MDGA2: variants seen among roughly 807,000 people sequenced by gnomAD.
The protein encoded by MDGA2 is MAM domain containing glycosylphosphatidylinositol anchor 2, also known as MAM domain-containing glycosylphosphatidylinositol anchor protein 2.
Under a neutral mutation model 117.8 loss-of-function variants are expected in MDGA2, and 40 were observed. The observed-to-expected ratio is 0.34, with a 90% confidence interval of 0.26 to 0.44. The LOEUF is 0.44. Among genes scored for constraint, MDGA2 ranks in the 20% least tolerant of loss-of-function variants. The probability of loss-of-function intolerance (pLI) is 1.00; values close to 1 mark genes in which losing one functional copy is unlikely to be tolerated. For missense variants in MDGA2, 1,123 were observed against 1,250.6 expected (o/e 0.90, Z 1.54); for synonymous variants, 452 against 439.0 (o/e 1.03, Z -0.37).
intron 7 of MDGA2, among the ~76,000 whole-genome samples, chr14:47,046,281 C>T (rs1310148410): frequency 6.6e-6 from 1 of 151,360 alleles, no homozygotes; most frequent in Non-Finnish European, 1.5e-5. Flanking sequence ...CAACCTATAA[C>T]CATTTCTGAG....
intron 10 of MDGA2, among the ~76,000 whole-genome samples, chr14:46,892,411 A>T (rs543925115): frequency 6.6e-6 from 1 of 152,136 alleles, no homozygotes; most frequent in East Asian, 1.9e-4. Context: ...ATCCTAGAAG[A>T]AAAAGGGATG....
chr14:47,344,821 A>C (rs1890728557), intron 1 of MDGA2, among the ~76,000 whole-genome samples: 2 of 152,074 alleles, frequency 1.3e-5, no homozygotes, highest in Non-Finnish European at 2.9e-5. Flanking sequence ...ACATTATCAT[A>C]AAATTGCAAC....
At chr14:47,363,917 G>C (rs1298468196) in intron 1 of MDGA2, among the ~76,000 whole-genome samples, 1 of 152,148 alleles carries the variant, frequency 6.6e-6, no homozygotes, top group Non-Finnish European at 1.5e-5. Flanking sequence ...TAACATGTAT[G>C]CTTTTACTTT....
At chr14:47,428,657 G>C (rs1892737994) in intron 1 of MDGA2, among the ~76,000 whole-genome samples, 1 of 151,836 alleles carries the variant, frequency 6.6e-6, no homozygotes, top group African/African-American at 2.4e-5. Context: ...TTTCTAAGAA[G>C]AGCTTTTCCC....
intron 10 of MDGA2, among the ~76,000 whole-genome samples, chr14:46,898,685 C>G (rs1883173307): frequency 6.6e-6 from 1 of 151,952 alleles, no homozygotes; most frequent in African/African-American, 2.4e-5. Flanking sequence ...TTAAAGAACA[C>G]AACCAAAGAA....
At chr14:46,899,141 A>C (rs764493052) in intron 10 of MDGA2, among the ~76,000 whole-genome samples, 14 of 152,208 alleles carry the variant, frequency 9.2e-5, no homozygotes, top group Admixed American at 6.5e-4. Flanking sequence ...TTTATAAGTC[A>C]GTCATTACTG....
intron 2 of MDGA2, among the ~76,000 whole-genome samples, chr14:47,224,294 T>TAGATATAGATATAGATACAGATAC (rs74277173): frequency 2.7e-5 from 4 of 150,042 alleles, no homozygotes; most frequent in South Asian, 2.1e-4. Flanking sequence ...GATATAGATA[T>TAGATATAGATATAGATACAGATAC]AGATATAGAT....
At chr14:46,905,562 T>C (rs1012478383) in intron 10 of MDGA2, among the ~76,000 whole-genome samples, 10 of 152,198 alleles carry the variant, frequency 6.6e-5, no homozygotes, top group Non-Finnish European at 1.2e-4. Flanking sequence ...AAAAAGACTA[T>C]GTAATGTTTC....
At chr14:47,041,455 T>C (rs1358922852) in intron 7 of MDGA2, among the ~76,000 whole-genome samples, 5 of 152,066 alleles carry the variant, frequency 3.3e-5, no homozygotes. Context: ...CTAGAAAAAG[T>C]CACTCCTAAT....
intron 6 of MDGA2, among the ~76,000 whole-genome samples, chr14:47,087,075 C>G (rs539384174): frequency 6.6e-6 from 1 of 152,130 alleles, no homozygotes; most frequent in African/African-American, 2.4e-5. Context: ...ATGTAAATAA[C>G]CAATACATAA....
chr14:47,277,894 A>G (rs1039569080), intron 2 of MDGA2, among the ~76,000 whole-genome samples: 3 of 152,182 alleles, frequency 2.0e-5, no homozygotes, highest in African/African-American at 7.2e-5. Flanking sequence ...ACCCTAAGTA[A>G]GAATTTCTTT....
At chr14:47,099,602 T>C (rs188652433) in intron 5 of MDGA2, among the ~76,000 whole-genome samples, 29 of 152,072 alleles carry the variant, frequency 1.9e-4, no homozygotes, top group Non-Finnish European at 3.4e-4. Context: ...TTCAGCCAGA[T>C]GAAAAGTGTC....
At chr14:47,294,794 A>ACT (rs1249103366) in intron 2 of MDGA2, among the ~76,000 whole-genome samples, 2 of 152,194 alleles carry the variant, frequency 1.3e-5, no homozygotes, top group Non-Finnish European at 1.5e-5. Context: ...TACATGTAGC[A>ACT]CTAATGGTTT....
chr14:46,946,475 G>T (rs1885175728), intron 9 of MDGA2, among the ~76,000 whole-genome samples: 1 of 152,028 alleles, frequency 6.6e-6, no homozygotes, highest in South Asian at 2.1e-4. Context: ...TTGCACTTGA[G>T]TTGTGTTGCC....
In MDGA2 at chr14:47,674,917, A is replaced by AG; in HGVS notation, c.-122dup. 1 of 527,052 alleles carries AG rather than the reference A, an allele frequency of 1.9e-6. No homozygotes were observed. The highest frequency in any genetic ancestry group is 3.3e-6 in the Non-Finnish European group (1 of 303,972). 32.6% of individuals were successfully genotyped at this position (527,052 alleles called of 1,614,324 possible). A position where few individuals can be genotyped will look rare whatever the true frequency, so the allele number is the denominator to read the frequency against. On this transcript the variant is annotated 5_prime_UTR_variant, in exon 1 of 17. Coordinates refer to ENST00000399232, the MANE Select transcript of MDGA2 (RefSeq NM_001113498.3). ...AAAATCGCAGACGCCGGGGAGGAGC[A>AG]GGGGGCGGTGATGGGAAGGGGAGCT...
intron 3 of MDGA2, among the ~76,000 whole-genome samples, chr14:47,209,380 T>G (rs1885802090): frequency 6.6e-6 from 1 of 152,130 alleles, no homozygotes. Context: ...CCTGAGATTT[T>G]CAGAATCAGG....
At chr14:47,470,265 G>GCCCCCCC (rs66485872) in intron 1 of MDGA2, among the ~76,000 whole-genome samples, 1 of 124,854 alleles carries the variant, frequency 8.0e-6, no homozygotes, top group Non-Finnish European at 1.7e-5. Flanking sequence ...CCTTCCCCCA[G>GCCCCCCC]CCCCCCCACC....
intron 4 of MDGA2, among the ~76,000 whole-genome samples, chr14:47,142,641 C>T (rs1882771941): frequency 6.6e-6 from 1 of 152,004 alleles, no homozygotes; most frequent in Non-Finnish European, 1.5e-5. Context: ...AATAGATGAT[C>T]ATTTATCTGG....
intron 3 of MDGA2, among the ~76,000 whole-genome samples, chr14:47,175,671 T>C (rs1304270075): frequency 6.6e-6 from 1 of 151,350 alleles, no homozygotes; most frequent in African/African-American, 2.4e-5. Context: ...GAGCTATCTA[T>C]GACAAACCCA....
Sources: allele counts gnomAD v4.1 joint callset (sites outside exome capture counted in the v4.1 genomes callset), GRCh38; gene constraint gnomAD v4.1.1; transcripts MANE v1.5; gene names NCBI Gene and HGNC (gene_info 2026-07-23, HGNC 2026-07-21).